Variants in SEMA4D observed in about 807,000 individuals in gnomAD.
The protein encoded by SEMA4D is semaphorin-4D.
A neutral mutation model predicts 74.8 loss-of-function variants in SEMA4D; 22 were observed. The ratio of observed to expected loss-of-function variants is 0.29; its 90% CI spans 0.21 to 0.42. SEMA4D has a LOEUF of 0.42. SEMA4D is among the 10% of genes least tolerant of loss of function. SEMA4D has a pLI of 1.00. For synonymous variants in SEMA4D, 445 were observed against 463.7 expected, an observed-to-expected ratio of 0.96 and a Z score of 0.52; for missense variants, 937 against 1,118.4, an observed-to-expected ratio of 0.84 and a Z score of 2.31.
rs746349033 is a variant in SEMA4D, at chr9:89,381,296, C to T, written c.1497G>A (p.Pro499=). 1.6e-5 allele frequency: 25 copies of T among 1,566,790 alleles called. No homozygotes were observed. In the East Asian group the frequency reaches 2.3e-4, roughly 15 times the overall value. ...TGCCGTGCTTCCCACAGAAGGCCAG[C>T]GGGGCCTGGACCACGCCCGAGTTAG... ...AGSNSGVVQA[P]LAFCGKHGTC... Residue 499 remains proline (P), a synonymous_variant, in exon 14 of 16, where the codon CCG becomes CCA. Transcript: ENST00000422704. This position sits in a 1 kb window ranked among gnomAD's most constrained non-coding sequence, Gnocchi z 4.6.
At chr9:89,432,745 G>A (rs547845573) in intron 2 of SEMA4D, among the ~76,000 whole-genome samples, 32 of 152,302 alleles carry the variant, frequency 2.1e-4, no homozygotes, top group African/African-American at 7.2e-4. Flanking sequence ...GTGTTGGTGA[G>A]GATGTGGAGA....
In SEMA4D at chr9:89,498,106, C is replaced by G. The variant is rs1826175400; in HGVS notation, c.-497G>C. 6.7e-6 allele frequency: 1 copy of G among 149,514 alleles called. No homozygotes were observed. Among genetic ancestry groups the G allele is most frequent in the South Asian group, 1.8e-4 (1 of 5,614 alleles). 9.3% of individuals were successfully genotyped at this position (149,514 alleles called of 1,614,324 possible). ...GAGAGCGCTGAGGCCGGCGCGGGGACGGAGTGCGCGGGGCGGGCGCGCAGG... is the reference window on the plus strand; with the variant it reads ...GAGAGCGCTGAGGCCGGCGCGGGGAGGGAGTGCGCGGGGCGGGCGCGCAGG... On this transcript the variant is annotated 5_prime_UTR_variant, in exon 1 of 16. Coordinates refer to ENST00000422704, the MANE Select transcript of SEMA4D (RefSeq NM_001371194.2).
chr9:89,461,798 G>T (rs976332478), intron 1 of SEMA4D, among the ~76,000 whole-genome samples: 18 of 145,176 alleles, frequency 1.2e-4, no homozygotes, highest in Non-Finnish European at 1.8e-4. Context: ...CACCTCCCGG[G>T]TTCAAGTGAT....
chr9:89,477,116 A>G (rs1284605524), intron 1 of SEMA4D, among the ~76,000 whole-genome samples: 1 of 152,176 alleles, frequency 6.6e-6, no homozygotes, highest in South Asian at 2.1e-4. Flanking sequence ...TCCTAATGAG[A>G]AGAGACTCCT....
chr9:89,371,424 TGG>T (rs1490498024), intron 16 of SEMA4D, among the ~76,000 whole-genome samples: 1 of 74,766 alleles, frequency 1.3e-5, no homozygotes, highest in African/African-American at 5.3e-5. Context: ...GGTGTGTGTC[TGG>T]GGTGTGTGTG....
At chr9:89,412,216 G>C (rs1844687576) in intron 2 of SEMA4D, among the ~76,000 whole-genome samples, 1 of 152,228 alleles carries the variant, frequency 6.6e-6, no homozygotes, top group Non-Finnish European at 1.5e-5. Context: ...GACCCGGAGA[G>C]GACAAAGGTA....
At chr9:89,450,229 A>G in intron 2 of SEMA4D, 1 of 1,216,654 alleles carries the variant, frequency 8.2e-7, no homozygotes, top group Non-Finnish European at 1.2e-6. Context: ...CATGAAGTAT[A>G]TGCTGTGGAT....
intron 2 of SEMA4D, among the ~76,000 whole-genome samples, chr9:89,447,507 C>A (rs532082099): frequency 6.6e-6 from 1 of 152,132 alleles, no homozygotes; most frequent in Non-Finnish European, 1.5e-5. Flanking sequence ...TCCCCGACCC[C>A]CACCATGACC....
chr9:89,433,802 C>T (rs902786574), intron 2 of SEMA4D, among the ~76,000 whole-genome samples: 2 of 152,168 alleles, frequency 1.3e-5, no homozygotes, highest in Admixed American at 6.5e-5. Context: ...CAGATTGTCC[C>T]GGGGCTCAGA....
intron 2 of SEMA4D, among the ~76,000 whole-genome samples, chr9:89,443,091 G>A (rs760004584): frequency 2.6e-5 from 4 of 152,158 alleles, no homozygotes; most frequent in Admixed American, 6.5e-5. Context: ...GGAGGAAGGC[G>A]GCTCTTCTCC....
chr9:89,427,635 C>T (rs539884189), intron 2 of SEMA4D, among the ~76,000 whole-genome samples: 2 of 152,336 alleles, frequency 1.3e-5, no homozygotes, highest in South Asian at 2.1e-4. Context: ...ACCCCCCGGT[C>T]AGCAGCACCT....
chr9:89,445,956 TGAGAC>T (rs1051227312), intron 2 of SEMA4D, among the ~76,000 whole-genome samples: 27 of 152,138 alleles, frequency 1.8e-4, no homozygotes, highest in African/African-American at 6.5e-4. Context: ...CAGCAGGAGA[TGAGAC>T]GAGACCCTCA....
chr9:89,450,660 G>GGGAA, intron 2 of SEMA4D: 9 of 428,038 alleles, frequency 2.1e-5, no homozygotes, highest in South Asian at 9.5e-5. Context: ...AAAAACCCAG[G>GGGAA]AAAAAAAAAA....
chr9:89,370,499 GGTGT>G (rs937125327), intron 16 of SEMA4D, among the ~76,000 whole-genome samples: 3 of 150,242 alleles, frequency 2.0e-5, no homozygotes, highest in Non-Finnish European at 3.0e-5. Context: ...AAGGAGGTAT[GGTGT>G]GTGTGTGATG....
chr9:89,404,750 A>T (rs1842925994), intron 3 of SEMA4D, among the ~76,000 whole-genome samples: 1 of 147,294 alleles, frequency 6.8e-6, no homozygotes, highest in Non-Finnish European at 1.5e-5. Context: ...ATTCTCAGCC[A>T]CCCACCTCAG....
At position 89,484,469 on chromosome 9, in the gene SEMA4D, G is replaced by A. The variant is rs540799767; in HGVS notation, c.-310+13450C>T. Among the ~76,000 whole-genome samples, 9 of 151,774 alleles carry A rather than the reference G, an allele frequency of 5.9e-5. No homozygotes were observed. The East Asian group carries it at 1.7e-3, about 29-fold the overall frequency. On this transcript the variant is annotated intron_variant, in intron 1 of 15. Coordinates refer to ENST00000422704, the MANE Select transcript of SEMA4D (RefSeq NM_001371194.2). This position sits in a 1 kb window ranked among gnomAD's most constrained non-coding sequence, Gnocchi z 4.1. ...TGTTGTGTGTGTTTTGTGTGTGTGTGTGGCATGGTATGTGTATGTACCACG... is the reference window on the plus strand; with the variant it reads ...TGTTGTGTGTGTTTTGTGTGTGTGTATGGCATGGTATGTGTATGTACCACG...
At chr9:89,383,953 G>A (rs955866168) in intron 13 of SEMA4D, among the ~76,000 whole-genome samples, 1 of 152,088 alleles carries the variant, frequency 6.6e-6, no homozygotes, top group Non-Finnish European at 1.5e-5. Flanking sequence ...CTGCTGCTGT[G>A]TGTGCGCGTC....
At chr9:89,493,242 A>AG (rs1296159865) in intron 1 of SEMA4D, among the ~76,000 whole-genome samples, 1 of 152,184 alleles carries the variant, frequency 6.6e-6, no homozygotes, top group Non-Finnish European at 1.5e-5. Context: ...CCTCAGAAGG[A>AG]GGGGGCTATA....
intron 2 of SEMA4D, among the ~76,000 whole-genome samples, chr9:89,438,073 T>C (rs1003304650): frequency 6.6e-6 from 1 of 152,136 alleles, no homozygotes; most frequent in Admixed American, 6.5e-5. Context: ...CTTTACCCAG[T>C]AGGGCACCCA....
Sources: allele counts gnomAD v4.1 joint callset (sites outside exome capture counted in the v4.1 genomes callset), GRCh38; gene constraint gnomAD v4.1.1; non-coding constraint Gnocchi (gnomAD v3.1); transcripts MANE v1.5; gene names NCBI Gene and HGNC (gene_info 2026-07-23, HGNC 2026-07-21).